Variants in TF observed in about 807,000 individuals in gnomAD.
TF encodes the protein serotransferrin.
Under a neutral mutation model 82.4 loss-of-function variants are expected in TF, and 55 were observed. That is an observed-to-expected ratio of 0.67 (90% CI 0.54 to 0.84). The LOEUF is 0.84. TF is among the 40% of genes least tolerant of loss of function. The pLI, the probability that TF is intolerant of heterozygous loss-of-function variation, is 0.00. For synonymous variants in TF, 332 were observed against 332.6 expected (o/e 1.00, Z 0.02); for missense variants, 737 against 868.4 (o/e 0.85, Z 1.90).
chr3:133,690,168 A>T, the TF span, among the ~76,000 whole-genome samples: 1 of 151,398 alleles, frequency 6.6e-6, no homozygotes, highest in Non-Finnish European at 1.5e-5. Context: ...AAACCATGAC[A>T]AAGAAATGTT....
the TF span, among the ~76,000 whole-genome samples, chr3:133,666,880 CA>C: frequency 6.6e-6 from 1 of 151,910 alleles, no homozygotes; most frequent in East Asian, 1.9e-4. Flanking sequence ...ACTAAAAATA[CA>C]AAAAATTAGC....
chr3:133,774,866 T>A (rs1197240837), intron 14 of TF: 1 of 302,766 alleles, frequency 3.3e-6, no homozygotes, highest in Non-Finnish European at 6.5e-6. Flanking sequence ...GGTGAGTTTT[T>A]TTTTTTTTTC....
chr3:133,683,030 G>A, the TF span, among the ~76,000 whole-genome samples: 1 of 152,238 alleles, frequency 6.6e-6, no homozygotes, highest in Non-Finnish European at 1.5e-5. Context: ...CAAGCCAAAA[G>A]AGAGTGGGGG....
At chr3:133,731,770 C>T in the TF span, among the ~76,000 whole-genome samples, 1 of 152,214 alleles carries the variant, frequency 6.6e-6, no homozygotes, top group Non-Finnish European at 1.5e-5. Context: ...AAAACAGAGC[C>T]TCAGAGTAGT....
chr3:133,665,139 AC>A, the TF span: 21,851 of 151,856 alleles, frequency 0.14, 1,889 homozygotes, highest in Non-Finnish European at 0.2. Flanking sequence ...CGTAGCAAGA[AC>A]CCCCATCTCT....
intron 15 of TF, 110 bp downstream of exon 15, chr3:133,775,727 C>G (rs1934372806): frequency 1.7e-6 from 2 of 1,157,680 alleles, no homozygotes; most frequent in Non-Finnish European, 2.5e-6. Context: ...TTTTTGAAAA[C>G]TAGAATTCCA....
rs920809969 is a variant in TF, at chr3:133,786,371, G to C, written c.*7751G>C. 4 of 152,110 alleles carry C rather than the reference G, an allele frequency of 2.6e-5. No individual in the cohort carries two copies. Among genetic ancestry groups the C allele is most frequent in the Admixed American group, 6.5e-5 (1 of 15,268 alleles). The allele number at this position is 152,110 out of a possible 1,614,324, so 9.4% of individuals were successfully genotyped here. ...TCATATGTAATGTTGTTTTGGTTGG[G>C]GGGGGTGGCCAAACCACCTGTTAAT... On this transcript the variant is annotated 3_prime_UTR_variant, in exon 17 of 17. Transcript: ENST00000402696.
At chr3:133,725,230 T>C in the TF span, among the ~76,000 whole-genome samples, 4 of 152,212 alleles carry the variant, frequency 2.6e-5, no homozygotes, top group African/African-American at 4.8e-5. Context: ...GCATTGAATC[T>C]ATAAATTACC....
At chr3:133,680,179 A>C in the TF span, among the ~76,000 whole-genome samples, 13 of 151,566 alleles carry the variant, frequency 8.6e-5, no homozygotes, top group Middle Eastern at 3.4e-3. Context: ...CCTGGCTTTT[A>C]CTCACACTTT....
chr3:133,730,516 G>T, the TF span, among the ~76,000 whole-genome samples: 1 of 152,158 alleles, frequency 6.6e-6, no homozygotes, highest in Non-Finnish European at 1.5e-5. Flanking sequence ...GTCCTAAGTG[G>T]CACAGACCTG....
At chr3:133,689,521 G>T in the TF span, among the ~76,000 whole-genome samples, 7 of 151,958 alleles carry the variant, frequency 4.6e-5, no homozygotes, top group African/African-American at 1.7e-4. Context: ...CTTTTTAAAA[G>T]AATCAATAAA....
At chr3:133,700,465 C>T in the TF span, among the ~76,000 whole-genome samples, 1 of 152,224 alleles carries the variant, frequency 6.6e-6, no homozygotes, top group Admixed American at 6.5e-5. Flanking sequence ...CAGTGGCAGG[C>T]TTGGCGTGGG....
the TF span, among the ~76,000 whole-genome samples, chr3:133,721,906 G>T: frequency 2.0e-5 from 3 of 151,990 alleles, no homozygotes; most frequent in African/African-American, 7.3e-5. Flanking sequence ...TCGAGACAGG[G>T]TCTGGCTGTG....
chr3:133,777,452 G>T, intron 16 of TF: 1 of 570,388 alleles, frequency 1.8e-6, no homozygotes, highest in Admixed American at 3.0e-5. Flanking sequence ...CACTAAGGTA[G>T]TGAACTTATT....
the TF span, among the ~76,000 whole-genome samples, chr3:133,690,910 T>A: frequency 9.8e-5 from 15 of 152,342 alleles, no homozygotes; most frequent in Non-Finnish European, 1.8e-4. Flanking sequence ...TTTACCTGTA[T>A]ACTAAATCTC....
the TF span, chr3:133,699,512 G>A: frequency 9.1e-7 from 1 of 1,102,678 alleles, no homozygotes; most frequent in South Asian, 1.2e-5. Flanking sequence ...CCCAGAAGCT[G>A]GTAGTTGGAT....
chr3:133,748,733 G>T, intron 2 of TF, 149 bp downstream of exon 2: 1 of 1,065,110 alleles, frequency 9.4e-7, no homozygotes. Flanking sequence ...AAGTGGAAAT[G>T]GGGAGGTTTT....
the TF span, among the ~76,000 whole-genome samples, chr3:133,694,555 A>G: frequency 6.6e-6 from 1 of 152,176 alleles, no homozygotes; most frequent in Non-Finnish European, 1.5e-5. Flanking sequence ...TGGCCTCCCC[A>G]GAGCTTGGGG....
chr3:133,756,720 C>A, intron 6 of TF, 111 bp from the exon 7 acceptor site: 2 of 1,388,598 alleles, frequency 1.4e-6, no homozygotes, highest in Non-Finnish European at 1.0e-6. Flanking sequence ...GCCTTCAGTG[C>A]TCACTCCAGA....
Sources: gnomAD v4.1 joint callset for allele counts (sites outside exome capture counted in the v4.1 genomes callset) on GRCh38, gnomAD v4.1.1 for gene constraint, MANE v1.5 for transcripts, NCBI Gene and HGNC (gene_info 2026-07-23, HGNC 2026-07-21) for gene names.